Variants in UBE2E2 observed in about 807,000 individuals in gnomAD.
UBE2E2 encodes the protein ubiquitin conjugating enzyme E2 E2.
Under a neutral mutation model 24.7 loss-of-function variants are expected in UBE2E2, and 6 were observed. That is an observed-to-expected ratio of 0.24 (90% CI 0.13 to 0.48). UBE2E2 has a LOEUF of 0.48. Among genes scored for constraint, UBE2E2 ranks in the 20% least tolerant of loss-of-function variants. The pLI, the probability that UBE2E2 is intolerant of heterozygous loss-of-function variation, is 0.99. For synonymous variants in UBE2E2, 104 were observed against 83.6 expected (o/e 1.24, Z -1.33); for missense variants, 169 against 245.0 (o/e 0.69, Z 2.07).
rs76093376 is a variant in UBE2E2, at chr3:23,552,902, T to C, written c.508+20201T>C. On this transcript the variant is annotated intron_variant, in intron 5 of 5. Coordinates refer to ENST00000396703, the MANE Select transcript of UBE2E2 (RefSeq NM_152653.4). ...CAATCCAGTCTAAAAACTACCAACA[T>C]GTGTATAGCAAAATTAATTTTGCAA... Among the ~76,000 whole-genome samples, 76 of 152,306 alleles carry C rather than the reference T, an allele frequency of 5.0e-4. No individual in the cohort carries two copies. The East Asian group carries it at 6.0e-3, about 12-fold the overall frequency.
intron 3 of UBE2E2, among the ~76,000 whole-genome samples, chr3:23,354,671 G>T (rs9853847): frequency 1.4e-3 from 210 of 151,956 alleles, no homozygotes; most frequent in African/African-American, 4.8e-3. Flanking sequence ...AATCAAAACC[G>T]CAATGAGATA....
intron 3 of UBE2E2, among the ~76,000 whole-genome samples, chr3:23,386,962 G>T (rs1286661798): frequency 6.6e-6 from 1 of 152,178 alleles, no homozygotes; most frequent in Non-Finnish European, 1.5e-5. Flanking sequence ...ATCAGTTACA[G>T]TTTACCCAAG....
At chr3:23,364,852 C>T (rs1011145411) in intron 3 of UBE2E2, among the ~76,000 whole-genome samples, 7 of 152,076 alleles carry the variant, frequency 4.6e-5, no homozygotes, top group Admixed American at 1.3e-4. Context: ...TCCTGATGAC[C>T]ATAGAAGCAA....
At chr3:23,445,089 CT>C (rs1396987983) in intron 3 of UBE2E2, among the ~76,000 whole-genome samples, 1 of 152,304 alleles carries the variant, frequency 6.6e-6, no homozygotes, top group African/African-American at 2.4e-5. Context: ...TCATCAGTCT[CT>C]TTCATTGGCA....
intron 3 of UBE2E2, among the ~76,000 whole-genome samples, chr3:23,291,160 A>G (rs1418794212): frequency 6.6e-6 from 1 of 151,662 alleles, no homozygotes; most frequent in African/African-American, 2.4e-5. Flanking sequence ...CTTGGGGTAG[A>G]TGCATAGCTT....
chr3:23,275,403 T>G, intron 3 of UBE2E2, among the ~76,000 whole-genome samples: 1 of 152,200 alleles, frequency 6.6e-6, no homozygotes, highest in East Asian at 1.9e-4. Context: ...GTGCCTGGAA[T>G]ACTGAGGTGT....
chr3:23,511,709 T>C (rs1247547227), intron 4 of UBE2E2, among the ~76,000 whole-genome samples: 1 of 152,226 alleles, frequency 6.6e-6, no homozygotes, highest in Non-Finnish European at 1.5e-5. Flanking sequence ...ATTTTCTCTT[T>C]TTCATTAAGT....
chr3:23,520,443 CAT>C (rs1034067400), intron 4 of UBE2E2, among the ~76,000 whole-genome samples: 8 of 152,114 alleles, frequency 5.3e-5, no homozygotes, highest in African/African-American at 1.9e-4. Flanking sequence ...ATGGTAAGAA[CAT>C]AGGGGAAAAA....
At chr3:23,453,215 A>G (rs189974044) in intron 3 of UBE2E2, among the ~76,000 whole-genome samples, 1 of 152,320 alleles carries the variant, frequency 6.6e-6, no homozygotes, top group Non-Finnish European at 1.5e-5. Flanking sequence ...TAAATATGTC[A>G]GTTAAATCAA....
At chr3:23,540,303 A>G (rs1039340512) in intron 5 of UBE2E2, among the ~76,000 whole-genome samples, 2 of 152,202 alleles carry the variant, frequency 1.3e-5, no homozygotes, top group Non-Finnish European at 2.9e-5. Context: ...GAATTAAGTT[A>G]GCAGTGGTGA....
At chr3:23,241,274 A>C (rs1456403497) in intron 3 of UBE2E2, among the ~76,000 whole-genome samples, 2 of 152,144 alleles carry the variant, frequency 1.3e-5, no homozygotes, top group Non-Finnish European at 2.9e-5. Flanking sequence ...ATTATGGTCC[A>C]AGCCGTCTTC....
At chr3:23,438,515 A>G (rs1160033914) in intron 3 of UBE2E2, among the ~76,000 whole-genome samples, 2 of 152,208 alleles carry the variant, frequency 1.3e-5, no homozygotes, top group Non-Finnish European at 2.9e-5. Context: ...TTCTCAAGTT[A>G]TATACTAGAC....
intron 3 of UBE2E2, among the ~76,000 whole-genome samples, chr3:23,308,878 A>G (rs1373207571): frequency 1.3e-5 from 2 of 152,186 alleles, no homozygotes; most frequent in Non-Finnish European, 2.9e-5. Context: ...GTCTAAGGCT[A>G]AAGACCTGAA....
At chr3:23,580,827 C>T (rs911132827) in intron 5 of UBE2E2, among the ~76,000 whole-genome samples, 1 of 152,162 alleles carries the variant, frequency 6.6e-6, no homozygotes, top group Non-Finnish European at 1.5e-5. Flanking sequence ...CAAACATAAT[C>T]ATAAAAGAGC....
chr3:23,298,403 A>G (rs1698973602), intron 3 of UBE2E2, among the ~76,000 whole-genome samples: 1 of 152,186 alleles, frequency 6.6e-6, no homozygotes, highest in Non-Finnish European at 1.5e-5. Context: ...TTGCCCATTC[A>G]GTATGATATT....
intron 3 of UBE2E2, among the ~76,000 whole-genome samples, chr3:23,349,762 C>T (rs1695677785): frequency 6.6e-6 from 1 of 152,224 alleles, no homozygotes; most frequent in Non-Finnish European, 1.5e-5. Context: ...CACCACAGCC[C>T]AAGGAGGCCT....
intron 3 of UBE2E2, among the ~76,000 whole-genome samples, chr3:23,319,152 C>T (rs1694673582): frequency 1.3e-5 from 2 of 152,086 alleles, no homozygotes; most frequent in African/African-American, 4.8e-5. Flanking sequence ...TGTAGTTAAT[C>T]CAAATTGATC....
At chr3:23,289,900 T>A (rs1292287826) in intron 3 of UBE2E2, among the ~76,000 whole-genome samples, 1 of 152,200 alleles carries the variant, frequency 6.6e-6, no homozygotes, top group Non-Finnish European at 1.5e-5. Context: ...TTTCTTACTG[T>A]GATATAATTA....
intron 3 of UBE2E2, among the ~76,000 whole-genome samples, chr3:23,378,236 T>TAAAAAAAAAA (rs56808350): frequency 1.7e-5 from 2 of 118,064 alleles, no homozygotes; most frequent in East Asian, 2.6e-4. Flanking sequence ...AAATAAGCAG[T>TAAAAAAAAAA]AAAAAAAAAA....
Sources: allele counts gnomAD v4.1 joint callset (sites outside exome capture counted in the v4.1 genomes callset), GRCh38; gene constraint gnomAD v4.1.1; transcripts MANE v1.5; gene names NCBI Gene and HGNC (gene_info 2026-07-23, HGNC 2026-07-21).